Variants in CCDC102B observed in about 807,000 individuals in gnomAD.
CCDC102B encodes coiled-coil domain containing 102B.
In CCDC102B, 75 loss-of-function variants were observed where a neutral mutation model predicts 57.4. The observed-to-expected ratio is 1.31, with a 90% CI of 1.08 to 1.58. The LOEUF (loss-of-function observed/expected upper bound fraction) is 1.58, where lower values mean the gene tolerates loss of function less well. Ranked by LOEUF, CCDC102B falls within the 40% of genes most tolerant of loss-of-function variation. CCDC102B has a pLI of 0.00. For synonymous variants in CCDC102B, 206 were observed against 201.9 expected, an observed-to-expected ratio of 1.02 and a Z score of -0.17; for missense variants, 636 against 582.6, an observed-to-expected ratio of 1.09 and a Z score of -0.94.
chr18:69,028,239 C>A (rs2052044496), intron 7 of CCDC102B, among the ~76,000 whole-genome samples: 1 of 152,206 alleles, frequency 6.6e-6, no homozygotes, highest in South Asian at 2.1e-4. Flanking sequence ...TAGACTTTAG[C>A]TTTTAGCCAG....
At chr18:68,933,296 GCCCA>G (rs1286080803) in intron 6 of CCDC102B, among the ~76,000 whole-genome samples, 1 of 151,750 alleles carries the variant, frequency 6.6e-6, no homozygotes, top group African/African-American at 2.4e-5. Flanking sequence ...CAAAGAAAAT[GCCCA>G]TGTTTCTTTT....
Position 68,746,524 on chromosome 18 carries a change from C to T in CCDC102B, c.-67+29930C>T, listed in dbSNP as rs191191526. ...AGTCCCTAGTTATAGAATTCCTGAACAGCGAAATGATGGCTTCAGAGGTAA... is the reference window on the plus strand; with the variant it reads ...AGTCCCTAGTTATAGAATTCCTGAATAGCGAAATGATGGCTTCAGAGGTAA... On this transcript the variant is annotated intron_variant, in intron 2 of 3. Transcript: ENST00000578970. 2.6e-4 allele frequency among the ~76,000 whole-genome samples: 39 copies of T among 152,186 alleles called. No homozygotes were observed. In the East Asian group the frequency reaches 5.4e-3, roughly 21 times the overall value.
intron 7 of CCDC102B, among the ~76,000 whole-genome samples, chr18:69,029,410 TA>T (rs2145439334): frequency 6.6e-6 from 1 of 152,280 alleles, no homozygotes; most frequent in East Asian, 1.9e-4. Flanking sequence ...TCTAAATACA[TA>T]AAACCTACCT....
intron 2 of CCDC102B, among the ~76,000 whole-genome samples, chr18:68,768,331 A>T (rs1369233069): frequency 6.6e-6 from 1 of 152,160 alleles, no homozygotes; most frequent in Non-Finnish European, 1.5e-5. Context: ...CTGCCAGAGG[A>T]TACTCTTGGT....
At chr18:68,853,648 G>A (rs951064710) in intron 4 of CCDC102B, among the ~76,000 whole-genome samples, 3 of 111,616 alleles carry the variant, frequency 2.7e-5, no homozygotes, top group African/African-American at 1.1e-4. Flanking sequence ...CTTTTATTCC[G>A]AATTTTTCTT....
At chr18:68,729,500 C>G (rs1037869595) in intron 2 of CCDC102B, among the ~76,000 whole-genome samples, 1 of 152,118 alleles carries the variant, frequency 6.6e-6, no homozygotes, top group Non-Finnish European at 1.5e-5. Context: ...AGCTCAGAAA[C>G]GAATTCAGGC....
At chr18:69,020,150 G>A (rs1380421736) in intron 7 of CCDC102B, among the ~76,000 whole-genome samples, 1 of 152,054 alleles carries the variant, frequency 6.6e-6, no homozygotes, top group Non-Finnish European at 1.5e-5. Flanking sequence ...GAATTACTTT[G>A]TGTTAAAAGA....
At chr18:68,899,738 A>T (rs562947955) in intron 6 of CCDC102B, 2 of 152,272 alleles carry the variant, frequency 1.3e-5, no homozygotes, top group South Asian at 2.1e-4. Flanking sequence ...TTCAATAAAA[A>T]TTTTATAAGT....
At chr18:68,941,273 AAC>A (rs1034630725) in intron 6 of CCDC102B, among the ~76,000 whole-genome samples, 19 of 146,426 alleles carry the variant, frequency 1.3e-4, no homozygotes, top group African/African-American at 4.2e-4. Context: ...ATAAAAAAAA[AAC>A]CCATGTATTT....
At chr18:68,843,683 C>T (rs9962491) in intron 3 of CCDC102B, among the ~76,000 whole-genome samples, 47,175 of 151,766 alleles carry the variant, frequency 0.31, 7,580 homozygotes, top group South Asian at 0.4. Flanking sequence ...TTTTTAATTT[C>T]GTTCTCATGA....
chr18:68,883,635 A>G (rs1243433900), intron 5 of CCDC102B, among the ~76,000 whole-genome samples: 1 of 152,210 alleles, frequency 6.6e-6, no homozygotes, highest in African/African-American at 2.4e-5. Flanking sequence ...AAGAACTCTA[A>G]ACTAAACCAT....
chr18:68,990,292 C>T (rs1404116284), intron 6 of CCDC102B, among the ~76,000 whole-genome samples: 1 of 152,174 alleles, frequency 6.6e-6, no homozygotes, highest in Admixed American at 6.5e-5. Flanking sequence ...AGCCAAATAA[C>T]AGGCCTTTCC....
chr18:69,011,018 C>G lies in CCDC102B; in HGVS notation c.1348C>G (p.Arg450Gly), dbSNP rs376019546. The change falls in exon 7 of 8, where the codon CGA (arginine) becomes GGA (glycine). Residue 450 changes from arginine to glycine, a missense_variant. Transcript: ENST00000360242. ...TGCAGAACTGACTCATGCAAACAAC[C>G]GAGTGGATCAAAATGAAGCAGAAGT... ...NIAELTHANN[R>G]VDQNEAEVKK... 138 of 1,613,586 alleles carry G rather than the reference C, an allele frequency of 8.6e-5. No homozygotes were observed. The highest frequency in any genetic ancestry group is 1.1e-4 in the Non-Finnish European group (128 of 1,179,782).
intron 6 of CCDC102B, among the ~76,000 whole-genome samples, chr18:68,930,341 T>C (rs1275183893): frequency 6.6e-6 from 1 of 151,300 alleles, no homozygotes; most frequent in Non-Finnish European, 1.5e-5. Context: ...TATTTTTAAA[T>C]CATAGGTGTT....
chr18:68,719,555 T>A (rs940514037), intron 2 of CCDC102B, among the ~76,000 whole-genome samples: 1 of 152,158 alleles, frequency 6.6e-6, no homozygotes, highest in Non-Finnish European at 1.5e-5. Flanking sequence ...CCCTCCATCT[T>A]TTTGTTCTCT....
intron 6 of CCDC102B, among the ~76,000 whole-genome samples, chr18:68,990,924 C>T (rs919076695): frequency 6.6e-6 from 1 of 152,086 alleles, no homozygotes; most frequent in Non-Finnish European, 1.5e-5. Flanking sequence ...GAATATCTTT[C>T]TTGCCATTCC....
intron 7 of CCDC102B, among the ~76,000 whole-genome samples, chr18:69,053,173 G>A (rs964520458): frequency 4.0e-5 from 6 of 151,614 alleles, no homozygotes; most frequent in African/African-American, 1.5e-4. Flanking sequence ...ATAATAGAGA[G>A]GACAAAGAGA....
intron 1 of CCDC102B, among the ~76,000 whole-genome samples, chr18:68,828,322 C>CAAAAAAAAAAAAAAAAAAAAAACAAAAA (rs2036993775): frequency 1.2e-5 from 1 of 80,802 alleles, no homozygotes; most frequent in Non-Finnish European, 2.3e-5. Flanking sequence ...ACCCTATTTA[C>CAAAAAAAAAAAAAAAAAAAAAACAAAAA]AAAAAAAAAA....
chr18:68,873,352 G>T (rs76647732), intron 4 of CCDC102B, among the ~76,000 whole-genome samples: 1,797 of 152,122 alleles, frequency 0.012, 37 homozygotes, highest in African/African-American at 0.04. Context: ...AGTATACTTG[G>T]ACTATGACAT....
Sources: gnomAD v4.1 joint callset for allele counts (sites outside exome capture counted in the v4.1 genomes callset) on GRCh38, gnomAD v4.1.1 for gene constraint, MANE v1.5 for transcripts, NCBI Gene and HGNC (gene_info 2026-07-23, HGNC 2026-07-21) for gene names.